The following CHN1 variants were observed in gnomAD, a reference collection of about 807,000 sequenced individuals.
CHN1 encodes the protein N-chimaerin.
In CHN1, 37 loss-of-function variants were observed where a neutral mutation model predicts 59.5. That is an observed-to-expected ratio of 0.62 (90% CI 0.48 to 0.82). The LOEUF (loss-of-function observed/expected upper bound fraction) is 0.82. Among genes scored for constraint, CHN1 ranks in the 40% least tolerant of loss-of-function variants. The pLI is 0.00. For synonymous variants in CHN1, 206 were observed against 200.4 expected, an observed-to-expected ratio of 1.03 and a Z score of -0.24; for missense variants, 469 against 571.0, an observed-to-expected ratio of 0.82 and a Z score of 1.82.
chr2:174,877,136 G>GC (rs1687591502), intron 6 of CHN1, among the ~76,000 whole-genome samples: 1 of 151,954 alleles, frequency 6.6e-6, no homozygotes, highest in African/African-American at 2.4e-5. Context: ...GAGGCTGGTG[G>GC]CAATTTTCAA....
At chr2:174,930,944 A>T in intron 3 of CHN1, among the ~76,000 whole-genome samples, 1 of 151,504 alleles carries the variant, frequency 6.6e-6, no homozygotes. Flanking sequence ...TTTTTTCTGT[A>T]TTTTCAGTAG....
intron 3 of CHN1, among the ~76,000 whole-genome samples, chr2:174,936,454 T>A (rs899491809): frequency 2.0e-5 from 3 of 152,202 alleles, no homozygotes; most frequent in Non-Finnish European, 4.4e-5. Context: ...ATATAGCTTA[T>A]ACCTATGTAA....
chr2:174,899,086 C>T (rs2359317), intron 5 of CHN1, among the ~76,000 whole-genome samples: 47,221 of 152,038 alleles, frequency 0.31, 9,134 homozygotes, highest in Admixed American at 0.45. Flanking sequence ...TAGACCCCCA[C>T]ACAGCCTTGT....
At chr2:174,943,730 C>G (rs1280590513) in intron 3 of CHN1, among the ~76,000 whole-genome samples, 1 of 152,032 alleles carries the variant, frequency 6.6e-6, no homozygotes, top group Non-Finnish European at 1.5e-5. Flanking sequence ...TTCATCCACT[C>G]CTTATCATAA....
intron 3 of CHN1, among the ~76,000 whole-genome samples, chr2:174,923,097 C>T (rs13407796): frequency 1.5e-4 from 23 of 151,996 alleles, no homozygotes; most frequent in Non-Finnish European, 2.8e-4. Flanking sequence ...AAAATGTATT[C>T]GTACATTAAT....
chr2:174,885,652 G>C (rs1687874274), intron 5 of CHN1, among the ~76,000 whole-genome samples: 1 of 152,028 alleles, frequency 6.6e-6, no homozygotes, highest in African/African-American at 2.4e-5. Flanking sequence ...CTAATATTTA[G>C]TAGAGTTGGG....
intron 5 of CHN1, among the ~76,000 whole-genome samples, chr2:174,911,498 A>T (rs112710682): frequency 1.2e-4 from 18 of 152,216 alleles, no homozygotes; most frequent in Non-Finnish European, 2.4e-4. Context: ...TTCACTGAGT[A>T]AAAATCATTT....
chr2:174,847,773 C>CAAAAAAAAAAAAAAAAAAAAAAA lies in CHN1; in HGVS notation c.550-839_550-817dup, dbSNP rs71031072. The CAAAAAAAAAAAAAAAAAAAAAAA allele has an allele frequency of 1.2e-4, 28 of 238,424 alleles. 3 individuals are homozygous for CAAAAAAAAAAAAAAAAAAAAAAA. Among genetic ancestry groups the CAAAAAAAAAAAAAAAAAAAAAAA allele is most frequent in the African/African-American group, 2.4e-4 (4 of 16,462 alleles). The allele number at this position is 238,424 out of a possible 1,614,324, so 14.8% of individuals were successfully genotyped here. Reference sequence around the variant, plus strand: ...AAGTAAGTTTCTTGCTGGCTCAAGGCAAAAAAAAAAAAAAAAAAAAAAAAA... The same window carrying CAAAAAAAAAAAAAAAAAAAAAAA: ...AAGTAAGTTTCTTGCTGGCTCAAGGCAAAAAAAAAAAAAAAAAAAAAAAAAAAAAAAAAAAAAAAAAAAAAAAA... On this transcript the variant is annotated intron_variant, in intron 6 of 12. Coordinates refer to ENST00000409900, the MANE Select transcript of CHN1 (RefSeq NM_001822.7).
At chr2:174,945,966 ATC>A (rs536976768) in intron 2 of CHN1, among the ~76,000 whole-genome samples, 1 of 151,286 alleles carries the variant, frequency 6.6e-6, no homozygotes, top group African/African-American at 2.4e-5. Context: ...TATATATACT[ATC>A]TCTCTCTACA....
At chr2:174,905,261 C>T (rs1688511461) in intron 5 of CHN1, among the ~76,000 whole-genome samples, 1 of 152,066 alleles carries the variant, frequency 6.6e-6, no homozygotes, top group Admixed American at 6.6e-5. Flanking sequence ...CAGATACACA[C>T]CTGAGATTCT....
chr2:174,933,971 TGAGCTGAAAATTAG>T (rs1689425828), intron 3 of CHN1, among the ~76,000 whole-genome samples: 1 of 152,268 alleles, frequency 6.6e-6, no homozygotes. Context: ...TACAAAATTA[TGAGCTGAAAATTAG>T]GAGAGGGAGT....
intron 6 of CHN1, among the ~76,000 whole-genome samples, chr2:174,857,979 A>G (rs980676368): frequency 1.4e-4 from 22 of 152,190 alleles, no homozygotes; most frequent in African/African-American, 5.1e-4. Context: ...TCAGATTGAT[A>G]TTATTAGGAG....
At chr2:174,960,468 G>A (rs1208776923) in intron 1 of CHN1, among the ~76,000 whole-genome samples, 2 of 152,180 alleles carry the variant, frequency 1.3e-5, no homozygotes, top group African/African-American at 4.8e-5. Flanking sequence ...ATAAACCAGT[G>A]GCTGTCAATC....
Position 174,943,295 on chromosome 2 carries a change from C to T in CHN1, c.114+1593G>A, listed in dbSNP as rs534067177. On this transcript the variant is annotated intron_variant, in intron 3 of 12. Transcript: ENST00000409900. The stretch of plus-strand genomic sequence containing the variant: ...AGGCTGGAGTGCAGTGGTCCCATCT[C>T]AGCTCACTGCAACCTCTGCCTCCCG... 1.1e-3 allele frequency among the ~76,000 whole-genome samples: 170 copies of T among 151,824 alleles called. 1 individual carries two copies. Among genetic ancestry groups the T allele is most frequent in the African/African-American group, 3.6e-3 (151 of 41,442 alleles).
chr2:174,815,877 CT>C (rs1193642438), intron 8 of CHN1, among the ~76,000 whole-genome samples: 4 of 152,150 alleles, frequency 2.6e-5, no homozygotes, highest in Non-Finnish European at 5.9e-5. Flanking sequence ...TTAGAATGCT[CT>C]TTTGTAGACT....
intron 3 of CHN1, among the ~76,000 whole-genome samples, chr2:174,930,813 G>A (rs951804534): frequency 1.1e-4 from 17 of 151,468 alleles, no homozygotes; most frequent in African/African-American, 4.1e-4. Flanking sequence ...CTCCCAGGCT[G>A]GAGTGCAGTG....
At chr2:175,000,775 G>T (rs1691866646) in intron 1 of CHN1, among the ~76,000 whole-genome samples, 1 of 152,074 alleles carries the variant, frequency 6.6e-6, no homozygotes, top group African/African-American at 2.4e-5. Context: ...TGTAGAGATG[G>T]TATCTCCCTG....
chr2:174,878,132 C>G lies in CHN1; in HGVS notation c.261-4G>C. 3.3e-6 allele frequency: 5 copies of G among 1,516,046 alleles called. No homozygotes were observed. The highest frequency in any genetic ancestry group is 4.4e-6 in the Non-Finnish European group (5 of 1,126,060). 93.9% of individuals were successfully genotyped at this position (1,516,046 alleles called of 1,614,324 possible). ...GTTTCTGGTTTGACTTCCAAATCTG[C>G]CTCAATGAAATGGGAAAGATGTTTT... On this transcript the variant is annotated splice_region_variant and splice_polypyrimidine_tract_variant and intron_variant, in intron 5 of 12. Coordinates refer to ENST00000409900, the MANE Select transcript of CHN1 (RefSeq NM_001822.7).
chr2:174,865,660 A>T (rs1687194890), intron 6 of CHN1, among the ~76,000 whole-genome samples: 1 of 152,214 alleles, frequency 6.6e-6, no homozygotes, highest in East Asian at 1.9e-4. Flanking sequence ...GTAGGGAGCT[A>T]GAACAGACTT....
Sources: gnomAD v4.1 joint callset for allele counts (sites outside exome capture counted in the v4.1 genomes callset) on GRCh38, gnomAD v4.1.1 for gene constraint, MANE v1.5 for transcripts, NCBI Gene and HGNC (gene_info 2026-07-23, HGNC 2026-07-21) for gene names.